SSX7: variants seen among roughly 807,000 people sequenced by gnomAD.
The protein encoded by SSX7 is protein SSX7.
SSX7 carries 15 observed loss-of-function variants against 14.7 expected under a neutral mutation model. The ratio of observed to expected loss-of-function variants is 1.02; its 90% CI spans 0.68 to 1.58. SSX7 has a LOEUF of 1.58. Among genes scored for constraint, SSX7 ranks in the 40% most tolerant of loss-of-function variants. SSX7 has a pLI of 0.00. For missense variants in SSX7, 178 were observed against 146.8 expected, an observed-to-expected ratio of 1.21 and a Z score of -1.10; for synonymous variants, 46 against 50.6, an observed-to-expected ratio of 0.91 and a Z score of 0.38.
Position 52,652,974 on chromosome X carries a change from T to C in SSX7, c.80A>G (p.Asp27Gly). ...IPEKIQKSFD[D>G]IAKYFSKKEW... ...TTTCTTAGAGAAGTATTTGGCAATA[T>C]CATCGAAGGACTAGGAAAAGATAAA... Residue 27 changes from aspartate (D) to glycine (G), a missense_variant, in exon 3 of 8, where the codon GAT (aspartate) becomes GGT (glycine). Asp to Gly is a moderately conservative substitution (Grantham distance 94). Transcript: ENST00000298181. 8.3e-7 allele frequency: 1 copy of C among 1,199,191 alleles called. No individual in the cohort carries two copies.
intron 3 of SSX7, 25 bp from the exon 4 acceptor site, chrX:52,652,372 C>A (rs782097024): frequency 2.7e-5 from 29 of 1,084,435 alleles, no homozygotes; most frequent in Middle Eastern, 4.9e-4. Flanking sequence ...AATGTTTATT[C>A]CTTAAGAGAC....
chrX:52,648,788 G>A (rs1556766662), intron 5 of SSX7, among the ~76,000 whole-genome samples: 1 of 111,963 alleles, frequency 8.9e-6, no homozygotes, highest in Admixed American at 9.5e-5. Flanking sequence ...GAGAGTAAAT[G>A]TAAAAACATA....
Position 52,653,028 on chromosome X carries a change from A to G in SSX7, c.70-44T>C, listed in dbSNP as rs1556767248. 4 of 1,189,595 alleles carry G rather than the reference A, an allele frequency of 3.4e-6. No homozygotes were observed. The Admixed American group carries it at 8.9e-5, about 26-fold the overall frequency. On this transcript the variant is annotated intron_variant, in intron 2 of 7. Coordinates refer to ENST00000298181, the MANE Select transcript of SSX7 (RefSeq NM_173358.2). ...GGAATTTTGTCAGTGACTCAGCTAG[A>G]CATGTCTGCCATTCAGCTGGAGCCC... is the stretch of plus-strand genomic sequence containing the variant.
intron 1 of SSX7, 142 bp from the exon 2 acceptor site, chrX:52,653,634 A>G (rs1925511932): frequency 5.5e-6 from 4 of 731,444 alleles, no homozygotes; most frequent in Middle Eastern, 4.2e-4. Context: ...TCCCTGAGTA[A>G]TGACATGGGG....
intron 2 of SSX7, 74 bp downstream of exon 2, chrX:52,653,330 C>T: frequency 8.3e-7 from 1 of 1,209,432 alleles, no homozygotes. Context: ...TATCTCTGTC[C>T]TCCCCTCCTC....
rs1448416274 is a variant in SSX7, at chrX:52,652,189, T to C, written c.280+63A>G. On this transcript the variant is annotated intron_variant, in intron 4 of 7. Coordinates refer to ENST00000298181, the MANE Select transcript of SSX7 (RefSeq NM_173358.2). ...CAAATGCCTGAGGATCTTTCCCAAG[T>C]AGCTGAGCTGAAAAGCAGCTGGGCT... 12 of 937,168 alleles carry C rather than the reference T, an allele frequency of 1.3e-5. No homozygotes were observed. The Admixed American group carries it at 1.3e-4, about 11-fold the overall frequency. The allele number at this position is 937,168 out of a possible 1,213,427, so 77.2% of individuals were successfully genotyped here.
chrX:52,649,766 G>A (rs1205080230), intron 5 of SSX7, among the ~76,000 whole-genome samples: 1 of 112,516 alleles, frequency 8.9e-6, no homozygotes, highest in Non-Finnish European at 1.9e-5. Context: ...AGCACCAGCA[G>A]GCCCTATGGG....
chrX:52,653,433 C>T lies in SSX7; in HGVS notation c.40G>A (p.Gly14Ser). ...TGGATCTTCTCTGGTATTTGAGCACCAGCCCTAGGTCTCCTTGCAAAGGCG... is the reference window on the plus strand; with the variant it reads ...TGGATCTTCTCTGGTATTTGAGCACTAGCCCTAGGTCTCCTTGCAAAGGCG... ...DDAFARRPRA[G>S]AQIPEKIQKS... The change falls in exon 2 of 8, where the codon GGT (glycine) becomes AGT (serine). Residue 14 changes from glycine (G) to serine (S), a missense_variant. Transcript: ENST00000298181. The T allele has an allele frequency of 8.3e-7, 1 of 1,211,554 alleles. No individual in the cohort carries two copies. The highest frequency in any genetic ancestry group is 1.8e-5 in the South Asian group (1 of 56,923).
At chrX:52,649,923 T>A (rs1415279922) in intron 5 of SSX7, among the ~76,000 whole-genome samples, 1 of 112,335 alleles carries the variant, frequency 8.9e-6, no homozygotes, top group Non-Finnish European at 1.9e-5. Flanking sequence ...ATAGCCTCAT[T>A]TTATTATTAT....
intron 6 of SSX7, 120 bp downstream of exon 6, chrX:52,648,141 C>G: frequency 2.0e-6 from 2 of 1,012,699 alleles, no homozygotes; most frequent in Non-Finnish European, 2.7e-6. Context: ...TGGAGCTGGG[C>G]GAGCTCCTCA....
intron 6 of SSX7, 34 bp downstream of exon 6, chrX:52,648,227 C>T (rs1556766564): frequency 1.7e-6 from 2 of 1,200,228 alleles, no homozygotes; most frequent in Non-Finnish European, 2.2e-6. Flanking sequence ...GCCACGGAAG[C>T]CAGAGGGTTT....
chrX:52,650,306 T>A, intron 5 of SSX7, 47 bp downstream of exon 5: 1 of 1,189,716 alleles, frequency 8.4e-7, no homozygotes, highest in South Asian at 1.8e-5. Context: ...TTTGCATCCA[T>A]GGAGGGACAA....
At chrX:52,645,007 C>T (rs1355887442) in intron 7 of SSX7, among the ~76,000 whole-genome samples, 4 of 111,166 alleles carry the variant, frequency 3.6e-5, no homozygotes, top group African/African-American at 9.8e-5. Context: ...CGGTGGTTCA[C>T]GCCTGTAATC....
At chrX:52,649,435 C>T (rs1183604118) in intron 5 of SSX7, among the ~76,000 whole-genome samples, 1 of 112,185 alleles carries the variant, frequency 8.9e-6, no homozygotes, top group Non-Finnish European at 1.9e-5. Flanking sequence ...TGTTTAAATG[C>T]AGTAATAATA....
chrX:52,652,422 A>C, intron 3 of SSX7, 75 bp from the exon 4 acceptor site: 1 of 778,461 alleles, frequency 1.3e-6, no homozygotes, highest in Non-Finnish European at 2.0e-6. Context: ...CTGTAGTACC[A>C]GTGCTTTGGG....
chrX:52,646,433 G>A (rs200883912), intron 6 of SSX7, among the ~76,000 whole-genome samples: 1 of 112,710 alleles, frequency 8.9e-6, no homozygotes. Flanking sequence ...TTTGATACAC[G>A]CATGCCATGC....
At position 52,652,299 on chromosome X, in the gene SSX7, T is replaced by C. The variant is rs781793568; in HGVS notation, c.233A>G (p.Asp78Gly). Residue 78 changes from aspartate (D) to glycine (G), a missense_variant, in exon 4 of 8, where the codon GAC becomes GGC. Coordinates refer to ENST00000298181, the MANE Select transcript of SSX7 (RefSeq NM_173358.2). ...ATTATCAAAATCATTCCCCTGGAGGTCTGTGGCCCCTGTATTATGCATGAA... is the reference window on the plus strand; with the variant it reads ...ATTATCAAAATCATTCCCCTGGAGGCCTGTGGCCCCTGTATTATGCATGAA... Reference protein sequence around the residue: ...PPFMHNTGATDLQGNDFDNDR... With the variant: ...PPFMHNTGATGLQGNDFDNDR... The C allele has an allele frequency of 8.3e-7, 1 of 1,208,951 alleles. No individual in the cohort carries two copies. Among genetic ancestry groups the C allele is most frequent in the Admixed American group, 2.2e-5 (1 of 45,671 alleles).
chrX:52,650,004 A>G (rs1236103165), intron 5 of SSX7, among the ~76,000 whole-genome samples: 1 of 112,582 alleles, frequency 8.9e-6, no homozygotes, highest in African/African-American at 3.2e-5. Context: ...AACTTAGAAG[A>G]CTTGTGCCAA....
In SSX7 at chrX:52,644,606, G is replaced by A; in HGVS notation, c.*69C>T. On this transcript the variant is annotated 3_prime_UTR_variant, in exon 8 of 8. Transcript: ENST00000298181. ...CTGATGACGAGGGGTCCGCAGCCAT[G>A]CCCATGTTCGTGAAAGGTCACCACG... is the stretch of plus-strand genomic sequence containing the variant. The A allele has an allele frequency of 3.4e-6, 4 of 1,193,675 alleles. No individual in the cohort carries two copies. Among genetic ancestry groups the A allele is most frequent in the Non-Finnish European group, 4.5e-6 (4 of 891,541 alleles).
Sources: gnomAD v4.1 joint callset for allele counts (sites outside exome capture counted in the v4.1 genomes callset) on GRCh38, gnomAD v4.1.1 for gene constraint, MANE v1.5 for transcripts, NCBI Gene and HGNC (gene_info 2026-07-23, HGNC 2026-07-21) for gene names.